The following PLPP1 variants were observed in gnomAD, a reference collection of about 807,000 sequenced individuals.
PLPP1 encodes phospholipid phosphatase 1.
Under a neutral mutation model 31.2 loss-of-function variants are expected in PLPP1, and 24 were observed. The observed-to-expected ratio is 0.77, with a 90% confidence interval of 0.56 to 1.08. The LOEUF (loss-of-function observed/expected upper bound fraction) is 1.08. PLPP1 is among the 50% of genes least tolerant of loss of function. The pLI, the probability that PLPP1 is intolerant of heterozygous loss-of-function variation, is 0.00. For synonymous variants in PLPP1, 146 were observed against 126.3 expected (o/e 1.16, Z -1.05); for missense variants, 319 against 342.7 (o/e 0.93, Z 0.55).
chr5:55,528,480 C>G (rs1274515880), intron 1 of PLPP1, among the ~76,000 whole-genome samples: 10 of 152,172 alleles, frequency 6.6e-5, no homozygotes, highest in Admixed American at 6.6e-4. Context: ...TCCCTAGTAC[C>G]TAACATGGTA....
intron 3 of PLPP1, among the ~76,000 whole-genome samples, chr5:55,443,192 A>AAAAAAAAAAAATATATATATATAT: frequency 3.9e-5 from 1 of 25,442 alleles, no homozygotes; most frequent in African/African-American, 1.1e-4. Flanking sequence ...AAAAAAAAAA[A>AAAAAAAAAAAATATATATATATAT]ATATATATAT....
chr5:55,491,175 A>C, intron 1 of PLPP1: 1 of 1,543,888 alleles, frequency 6.5e-7, no homozygotes, highest in Non-Finnish European at 8.8e-7. Context: ...ATTAGGAAGT[A>C]AAGTCTACTG....
chr5:55,513,337 T>C (rs976033464), intron 1 of PLPP1, among the ~76,000 whole-genome samples: 1 of 150,854 alleles, frequency 6.6e-6, no homozygotes. Flanking sequence ...CTCAGCTAAC[T>C]GCAACCTCTG....
At chr5:55,489,141 T>G (rs140297036) in intron 1 of PLPP1, among the ~76,000 whole-genome samples, 372 of 152,264 alleles carry the variant, frequency 2.4e-3, no homozygotes, top group African/African-American at 8.6e-3. Flanking sequence ...GAGATTGCAG[T>G]GAGCCAAGAT....
intron 1 of PLPP1, among the ~76,000 whole-genome samples, chr5:55,528,572 A>G (rs1285053586): frequency 2.0e-5 from 3 of 152,244 alleles, no homozygotes; most frequent in African/African-American, 4.8e-5. Context: ...GCCTAATGCC[A>G]TAGTGGCTAA....
chr5:55,534,489 C>T (rs1054991137), intron 1 of PLPP1, 83 bp downstream of exon 1: 14 of 1,380,790 alleles, frequency 1.0e-5, no homozygotes, highest in African/African-American at 7.5e-5. Context: ...AGGCAACACA[C>T]CCCCGCTGCC....
chr5:55,454,741 A>G (rs1382414967), intron 3 of PLPP1, among the ~76,000 whole-genome samples: 1 of 152,154 alleles, frequency 6.6e-6, no homozygotes, highest in Non-Finnish European at 1.5e-5. Context: ...TCTTCATTTC[A>G]TATGTTGCTA....
chr5:55,461,596 CA>C (rs1255991747), intron 3 of PLPP1, among the ~76,000 whole-genome samples: 111 of 144,696 alleles, frequency 7.7e-4, no homozygotes, highest in African/African-American at 2.0e-3. Context: ...AAAGCATCTA[CA>C]AAAAAAAAAA....
intron 3 of PLPP1, among the ~76,000 whole-genome samples, chr5:55,458,025 T>A (rs750461979): frequency 6.6e-6 from 1 of 152,180 alleles, no homozygotes; most frequent in Non-Finnish European, 1.5e-5. Context: ...TGTTGGTTGA[T>A]CCAAGAGAGA....
At chr5:55,451,751 C>T (rs1266414773) in intron 3 of PLPP1, among the ~76,000 whole-genome samples, 5 of 151,952 alleles carry the variant, frequency 3.3e-5, no homozygotes, top group South Asian at 4.1e-4. Flanking sequence ...GTAGTAGAGA[C>T]GGGGTTTCAC....
At chr5:55,440,933 A>C (rs1751607567) in intron 4 of PLPP1, among the ~76,000 whole-genome samples, 1 of 152,160 alleles carries the variant, frequency 6.6e-6, no homozygotes, top group Admixed American at 6.5e-5. Flanking sequence ...ATCCCCTTAT[A>C]AAGAAAATTA....
chr5:55,440,162 C>A (rs1751590176), intron 4 of PLPP1, among the ~76,000 whole-genome samples: 1 of 152,160 alleles, frequency 6.6e-6, no homozygotes. Context: ...TTCTAGATTT[C>A]TCATAAAGAG....
chr5:55,428,376 C>T (rs1401248319), intron 4 of PLPP1, among the ~76,000 whole-genome samples: 2 of 152,188 alleles, frequency 1.3e-5, no homozygotes, highest in African/African-American at 4.8e-5. Context: ...TGAAGACTTC[C>T]ATTTCTGTAG....
chr5:55,503,111 G>A (rs563741603), intron 1 of PLPP1, among the ~76,000 whole-genome samples: 2 of 152,144 alleles, frequency 1.3e-5, no homozygotes, highest in South Asian at 2.1e-4. Flanking sequence ...TTACAGTATC[G>A]CATCTCCACT....
At chr5:55,487,148 T>A (rs921957522) in intron 1 of PLPP1, among the ~76,000 whole-genome samples, 1 of 152,208 alleles carries the variant, frequency 6.6e-6, no homozygotes, top group Admixed American at 6.5e-5. Flanking sequence ...AAATAGCCTA[T>A]TAAACATAGG....
intron 3 of PLPP1, among the ~76,000 whole-genome samples, chr5:55,466,745 T>C (rs1486750273): frequency 6.6e-6 from 1 of 151,884 alleles, no homozygotes; most frequent in Non-Finnish European, 1.5e-5. Context: ...ATTGAAGCTA[T>C]TAGCAGGCCC....
intron 1 of PLPP1, chr5:55,491,184 TGAATGG>T (rs1752881104): frequency 1.3e-6 from 2 of 1,500,508 alleles, no homozygotes; most frequent in Admixed American, 4.0e-5. Flanking sequence ...TAAAGTCTAC[TGAATGG>T]GATGCAAATC....
chr5:55,475,499 A>G (rs1752517864), intron 1 of PLPP1, 49 bp from the exon 2 acceptor site: 1 of 1,477,326 alleles, frequency 6.8e-7, no homozygotes, highest in Non-Finnish European at 9.2e-7. Flanking sequence ...AAATATCAAA[A>G]CTAATTAATG....
At chr5:55,441,488 C>T (rs894729119) in intron 4 of PLPP1, among the ~76,000 whole-genome samples, 8 of 152,230 alleles carry the variant, frequency 5.3e-5, no homozygotes, top group African/African-American at 1.9e-4. Context: ...CCCAACTCCT[C>T]ACCACAGCAG....
Sources: gnomAD v4.1 joint callset for allele counts (sites outside exome capture counted in the v4.1 genomes callset) on GRCh38, gnomAD v4.1.1 for gene constraint, MANE v1.5 for transcripts, NCBI Gene and HGNC (gene_info 2026-07-23, HGNC 2026-07-21) for gene names.